The following REDIC1 variants were observed in gnomAD, a reference collection of about 807,000 sequenced individuals.
REDIC1 encodes regulator of DNA class I crossover intermediates 1.
At chr12:39,770,940 GTGTA>G in the REDIC1 span, among the ~76,000 whole-genome samples, 1 of 152,070 alleles carries the variant, frequency 6.6e-6, no homozygotes, top group Admixed American at 6.5e-5. Context: ...TGGCCTCTAG[GTGTA>G]ATATCTCAAA....
At chr12:39,727,309 T>G in the REDIC1 span, among the ~76,000 whole-genome samples, 1 of 152,174 alleles carries the variant, frequency 6.6e-6, no homozygotes, top group Non-Finnish European at 1.5e-5. Flanking sequence ...CCTTAATCCA[T>G]CTTGAGTTAA....
chr12:39,667,989 C>A, the REDIC1 span, among the ~76,000 whole-genome samples: 8 of 152,172 alleles, frequency 5.3e-5, 1 homozygote, highest in African/African-American at 1.9e-4. Flanking sequence ...CTCCTGAATA[C>A]AGCACACTGA....
At chr12:39,818,818 T>C in the REDIC1 span, among the ~76,000 whole-genome samples, 6 of 152,170 alleles carry the variant, frequency 3.9e-5, no homozygotes, top group African/African-American at 9.7e-5. Flanking sequence ...TTTCTACATA[T>C]AAAATATTGT....
the REDIC1 span, among the ~76,000 whole-genome samples, chr12:39,822,403 C>A: frequency 2.6e-5 from 4 of 152,114 alleles, no homozygotes; most frequent in Admixed American, 2.6e-4. Context: ...CTATAAAAAA[C>A]AAATTAAAAT....
chr12:39,742,980 G>A, the REDIC1 span, among the ~76,000 whole-genome samples: 3 of 152,134 alleles, frequency 2.0e-5, no homozygotes, highest in African/African-American at 7.2e-5. Flanking sequence ...GAATAAGTCT[G>A]AGCTAAAAAC....
the REDIC1 span, among the ~76,000 whole-genome samples, chr12:39,647,263 C>T: frequency 6.6e-6 from 1 of 152,082 alleles, no homozygotes; most frequent in Non-Finnish European, 1.5e-5. Flanking sequence ...CCAACCCTCA[C>T]GTGGATCCCA....
the REDIC1 span, among the ~76,000 whole-genome samples, chr12:39,898,057 T>A: frequency 6.6e-6 from 1 of 152,094 alleles, no homozygotes; most frequent in Non-Finnish European, 1.5e-5. Context: ...CATCATTATA[T>A]TGAGGAGGCT....
the REDIC1 span, among the ~76,000 whole-genome samples, chr12:39,713,777 A>T: frequency 1.0e-4 from 15 of 149,254 alleles, no homozygotes; most frequent in South Asian, 4.2e-4. Context: ...ATATATTTGT[A>T]CGTAAATATA....
the REDIC1 span, among the ~76,000 whole-genome samples, chr12:39,761,776 A>AGAT: frequency 1.3e-5 from 2 of 152,116 alleles, no homozygotes; most frequent in African/African-American, 4.8e-5. Context: ...AAATAAGTAC[A>AGAT]GATGGTAAAA....
At chr12:39,734,741 C>T in the REDIC1 span, among the ~76,000 whole-genome samples, 2 of 152,174 alleles carry the variant, frequency 1.3e-5, no homozygotes, top group South Asian at 2.1e-4. Context: ...TATATCTCTT[C>T]TTATGCCAAT....
At chr12:39,708,784 G>T in the REDIC1 span, among the ~76,000 whole-genome samples, 1 of 151,582 alleles carries the variant, frequency 6.6e-6, no homozygotes, top group African/African-American at 2.4e-5. Flanking sequence ...TTTTATAAAT[G>T]TTTAATTTCT....
At chr12:39,755,183 T>C in the REDIC1 span, 1 of 152,118 alleles carries the variant, frequency 6.6e-6, no homozygotes, top group Non-Finnish European at 1.5e-5. Flanking sequence ...CTCCATAAAA[T>C]ATACAATACT....
At chr12:39,737,092 C>T in the REDIC1 span, among the ~76,000 whole-genome samples, 1 of 152,122 alleles carries the variant, frequency 6.6e-6, no homozygotes, top group African/African-American at 2.4e-5. Flanking sequence ...TTCTGCACTA[C>T]TTTTTGTTTT....
chr12:39,670,133 G>C, the REDIC1 span, among the ~76,000 whole-genome samples: 2 of 152,144 alleles, frequency 1.3e-5, no homozygotes, highest in African/African-American at 4.8e-5. Flanking sequence ...CCTGTCTTCT[G>C]TGTAGCTCAC....
At chr12:39,820,777 A>G in the REDIC1 span, among the ~76,000 whole-genome samples, 4 of 143,954 alleles carry the variant, frequency 2.8e-5, no homozygotes, top group Non-Finnish European at 4.6e-5. Flanking sequence ...ATATATATAT[A>G]AAGCAACATG....
chr12:39,713,275 CACACAT>C, the REDIC1 span, among the ~76,000 whole-genome samples: 6,410 of 131,972 alleles, frequency 0.049, 661 homozygotes, highest in African/African-American at 0.067. Context: ...TATGTGTACA[CACACAT>C]ACGTGTATAT....
the REDIC1 span, among the ~76,000 whole-genome samples, chr12:39,728,959 T>C: frequency 6.6e-6 from 1 of 152,150 alleles, no homozygotes; most frequent in African/African-American, 2.4e-5. Flanking sequence ...GAGGTGTTTA[T>C]AGTATTCTCT....
chr12:39,833,573 T>C, the REDIC1 span, among the ~76,000 whole-genome samples: 1 of 152,056 alleles, frequency 6.6e-6, no homozygotes, highest in Non-Finnish European at 1.5e-5. Context: ...TTTGGCTCTT[T>C]CTGAACACTT....
chr12:39,780,937 T>A, the REDIC1 span, among the ~76,000 whole-genome samples: 7 of 152,214 alleles, frequency 4.6e-5, no homozygotes, highest in Non-Finnish European at 1.0e-4. Context: ...GTGCCATTAG[T>A]TACTGACATA....
Sources: gnomAD v4.1 joint callset for allele counts (sites outside exome capture counted in the v4.1 genomes callset) on GRCh38, gnomAD v4.1.1 for gene constraint, MANE v1.5 for transcripts, NCBI Gene and HGNC (gene_info 2026-07-23, HGNC 2026-07-21) for gene names.